Variants in GALNT5 observed in about 807,000 individuals in gnomAD.
GALNT5 encodes UDP-GalNAc:polypeptide N-acetylgalactosaminyltransferase 5.
A neutral mutation model predicts 85.4 loss-of-function variants in GALNT5; 72 were observed. The observed-to-expected ratio is 0.84, with a 90% CI of 0.70 to 1.03. GALNT5 has a LOEUF of 1.03. Ranked by LOEUF, GALNT5 falls within the 50% of genes least tolerant of loss-of-function variation. The pLI is 0.00. For synonymous variants in GALNT5, 404 were observed against 397.0 expected, an observed-to-expected ratio of 1.02 and a Z score of -0.21; for missense variants, 1,137 against 1,135.5, an observed-to-expected ratio of 1.00 and a Z score of -0.02.
intron 1 of GALNT5, among the ~76,000 whole-genome samples, chr2:157,278,947 G>A (rs540123594): frequency 2.0e-5 from 3 of 152,316 alleles, no homozygotes; most frequent in Admixed American, 6.5e-5. Context: ...CCCCATCTTT[G>A]TGGTTTTATC....
intron 3 of GALNT5, among the ~76,000 whole-genome samples, chr2:157,290,087 GTATATATA>G (rs55861093): frequency 4.6e-4 from 61 of 131,286 alleles, no homozygotes; most frequent in Non-Finnish European, 4.9e-4. Context: ...AAAAAAAAAT[GTATATATA>G]TATATATATA....
At position 157,311,426 on chromosome 2, in the gene GALNT5, A is replaced by C. The variant is rs1574038917; in HGVS notation, c.*78A>C. 1.0e-6 allele frequency: 1 copy of C among 954,486 alleles called. No homozygotes were observed. Among genetic ancestry groups the C allele is most frequent in the East Asian group, 2.8e-5 (1 of 36,012 alleles). The allele number at this position is 954,486 out of a possible 1,614,324, so 59.1% of individuals were successfully genotyped here. ...ACTGAACTTGGAAACTATATTTCTC[A>C]GCGGTAGTTTAAATTTTCAATTTTA... is the stretch of plus-strand genomic sequence containing the variant. On this transcript the variant is annotated 3_prime_UTR_variant, in exon 10 of 10. Coordinates refer to ENST00000259056, the MANE Select transcript of GALNT5 (RefSeq NM_014568.3).
intron 1 of GALNT5, among the ~76,000 whole-genome samples, chr2:157,270,542 C>T (rs548201978): frequency 2.5e-4 from 38 of 152,154 alleles, no homozygotes; most frequent in Non-Finnish European, 4.4e-4. Flanking sequence ...TATTTGTATA[C>T]GTTACCACCT....
intron 7 of GALNT5, among the ~76,000 whole-genome samples, chr2:157,304,497 T>C (rs984834061): frequency 1.3e-5 from 2 of 152,238 alleles, no homozygotes; most frequent in Non-Finnish European, 2.9e-5. Context: ...AAGCCTGGTG[T>C]AAAGTTTCAG....
Position 157,258,815 on chromosome 2 carries a change from G to A in GALNT5, c.733G>A (p.Ala245Thr). The A allele has an allele frequency of 6.3e-7, 1 of 1,597,458 alleles. No individual in the cohort carries two copies. Among genetic ancestry groups the A allele is most frequent in the Non-Finnish European group, 8.6e-7 (1 of 1,169,226 alleles). Residue 245 changes from alanine (A) to threonine (T), a missense_variant, in exon 1 of 10, where the codon GCA (alanine) becomes ACA (threonine). By Grantham distance (58) the Ala-to-Thr change is moderately conservative. Transcript: ENST00000259056. ...ANERAHPASTAVPKSGEAMAL... is the reference protein window; with the variant it reads ...ANERAHPASTTVPKSGEAMAL... Reference sequence around the variant, plus strand: ...CGAGAGGGCACACCCTGCCAGCACAGCAGTGCCGAAGTCTGGGGAAGCCAT... The same window carrying A: ...CGAGAGGGCACACCCTGCCAGCACAACAGTGCCGAAGTCTGGGGAAGCCAT...
chr2:157,260,832 C>G (rs1019311722), intron 1 of GALNT5, among the ~76,000 whole-genome samples: 1 of 152,204 alleles, frequency 6.6e-6, no homozygotes, highest in African/African-American at 2.4e-5. Context: ...AGCTATCAGC[C>G]ATGCACTGCT....
At chr2:157,283,525 T>C (rs966914649) in intron 1 of GALNT5, among the ~76,000 whole-genome samples, 5 of 152,198 alleles carry the variant, frequency 3.3e-5, no homozygotes, top group African/African-American at 9.6e-5. Flanking sequence ...GGCTATTCTG[T>C]AGCAGAGTAT....
intron 3 of GALNT5, 67 bp from the exon 4 acceptor site, chr2:157,295,596 G>A (rs1297410922): frequency 7.9e-7 from 1 of 1,272,476 alleles, no homozygotes; most frequent in Non-Finnish European, 1.1e-6. Flanking sequence ...CAATACCTTT[G>A]AACATGAAGT....
Position 157,269,353 on chromosome 2 carries a change from C to G in GALNT5, c.1454+9817C>G, listed in dbSNP as rs1196498326. The stretch of plus-strand genomic sequence containing the variant: ...CAGTCACCCCAAATCAAGGCACACC[C>G]TGAAACTTTGTATTGGAAATCTCAG... On this transcript the variant is annotated intron_variant, in intron 1 of 9. Coordinates refer to ENST00000259056, the MANE Select transcript of GALNT5 (RefSeq NM_014568.3). Among the ~76,000 whole-genome samples, 2 of 152,178 alleles carry G rather than the reference C, an allele frequency of 1.3e-5. 1 individual carries two copies. Among genetic ancestry groups the G allele is most frequent in the Non-Finnish European group, 2.9e-5 (2 of 68,028 alleles).
chr2:157,312,514 A>C lies in GALNT5; in HGVS notation c.*1166A>C, dbSNP rs1252475857. The C allele has an allele frequency of 6.6e-6, 1 of 152,096 alleles. No homozygotes were observed. The highest frequency in any genetic ancestry group is 1.9e-4 in the East Asian group (1 of 5,194). The allele number at this position is 152,096 out of a possible 1,614,324, so 9.4% of individuals were successfully genotyped here. A position where few individuals can be genotyped will look rare whatever the true frequency, so the allele number is the denominator to read the frequency against. On this transcript the variant is annotated 3_prime_UTR_variant, in exon 10 of 10. Transcript: ENST00000259056. ...AGCCCTCAGTGTGAACCCAGTGAGA[A>C]CACTGACAAATTTGGGAAAAGTTAA... is the stretch of plus-strand genomic sequence containing the variant.
rs184335231 is a variant in GALNT5 at position 157,310,051 on chromosome 2, T to C, written c.2683-1157T>C. On this transcript the variant is annotated intron_variant, in intron 9 of 9. Transcript: ENST00000259056. Reference sequence around the variant, plus strand: ...AGAGAATATGAATAAGAACGAGAACTAAAACACATTCTTCATCTCCAGAAT... The same window carrying C: ...AGAGAATATGAATAAGAACGAGAACCAAAACACATTCTTCATCTCCAGAAT... Among the ~76,000 whole-genome samples, 49 of 152,206 alleles carry C rather than the reference T, an allele frequency of 3.2e-4. 1 individual carries two copies. Among genetic ancestry groups the C allele is most frequent in the Admixed American group, 2.9e-3 (44 of 15,276 alleles).
At chr2:157,291,048 G>A (rs1574026922) in intron 3 of GALNT5, among the ~76,000 whole-genome samples, 1 of 152,118 alleles carries the variant, frequency 6.6e-6, no homozygotes, top group South Asian at 2.1e-4. Context: ...GTAGGCCGGG[G>A]CAATGGATCT....
Position 157,258,887 on chromosome 2 carries a change from A to G in GALNT5, c.805A>G (p.Lys269Glu). 4 of 1,570,148 alleles carry G rather than the reference A, an allele frequency of 2.5e-6. No homozygotes were observed. The highest frequency in any genetic ancestry group is 2.6e-6 in the Non-Finnish European group (3 of 1,161,838). The stretch of plus-strand genomic sequence containing the variant: ...TCAGAGCAAAGAAGTCAATGCAAAT[A>G]AACACAAAGCCAATACGAGTCTTCC... ...KTQSKEVNAN[K>E]HKANTSLPFP... The change falls in exon 1 of 10, where the codon AAA becomes GAA. Residue 269 changes from lysine (K) to glutamate (E), a missense_variant. Lys to Glu is a moderately conservative substitution (Grantham distance 56). Transcript: ENST00000259056.
At chr2:157,290,149 G>A (rs1683069815) in intron 3 of GALNT5, among the ~76,000 whole-genome samples, 1 of 143,406 alleles carries the variant, frequency 7.0e-6, no homozygotes, top group South Asian at 2.1e-4. Flanking sequence ...ATATGCATAT[G>A]TATCTACATG....
chr2:157,260,118 A>G (rs1682304336), intron 1 of GALNT5, among the ~76,000 whole-genome samples: 2 of 152,240 alleles, frequency 1.3e-5, no homozygotes, highest in Admixed American at 1.3e-4. Flanking sequence ...GATCAGTTAC[A>G]TAGGAATCAT....
intron 3 of GALNT5, among the ~76,000 whole-genome samples, chr2:157,291,643 A>G (rs867620766): frequency 1.0e-4 from 1 of 9,732 alleles, no homozygotes; most frequent in Non-Finnish European, 5.3e-4. Flanking sequence ...ACCCCCCCCC[A>G]GATTTTTAAG....
rs755306501 is a variant in GALNT5 at position 157,299,595 on chromosome 2, T to A, written c.2045T>A (p.Phe682Tyr). ...GGLFSIDKSY[F>Y]FELGTYDPGL... ...TTGTTTTCTATTGACAAAAGTTACTTTTTTGAACTTGGAACATACGACCCT... is the reference window on the plus strand; with the variant it reads ...TTGTTTTCTATTGACAAAAGTTACTATTTTGAACTTGGAACATACGACCCT... Residue 682 changes from phenylalanine (F) to tyrosine (Y), a missense_variant, in exon 6 of 10, where the codon TTT (phenylalanine) becomes TAT (tyrosine). Coordinates refer to ENST00000259056, the MANE Select transcript of GALNT5 (RefSeq NM_014568.3). The A allele has an allele frequency of 6.2e-7, 1 of 1,613,584 alleles. No individual in the cohort carries two copies. Among genetic ancestry groups the A allele is most frequent in the Non-Finnish European group, 8.5e-7 (1 of 1,179,552 alleles).
At chr2:157,296,340 T>C in intron 4 of GALNT5, 54 bp from the exon 5 acceptor site, 6 of 1,419,384 alleles carry the variant, frequency 4.2e-6, no homozygotes, top group Non-Finnish European at 6.0e-6. Context: ...CGATAAAGTA[T>C]ATAAAGATGT....
In GALNT5 at chr2:157,318,106, A is replaced by G. The variant is rs1016363230; in HGVS notation, c.*6758A>G. 4.6e-5 allele frequency among the ~76,000 whole-genome samples: 7 copies of G among 152,150 alleles called. No individual in the cohort carries two copies. Among genetic ancestry groups the G allele is most frequent in the Admixed American group, 3.9e-4 (6 of 15,270 alleles). On this transcript the variant is annotated 3_prime_UTR_variant, in exon 10 of 10. Transcript: ENST00000259056. ...GGTTGCCTTTCTCATACTGTCAAACATATTTCTTCTTTATTATACTCTGGT... is the reference window on the plus strand; with the variant it reads ...GGTTGCCTTTCTCATACTGTCAAACGTATTTCTTCTTTATTATACTCTGGT...
Sources: allele counts gnomAD v4.1 joint callset (sites outside exome capture counted in the v4.1 genomes callset), GRCh38; gene constraint gnomAD v4.1.1; transcripts MANE v1.5; gene names NCBI Gene and HGNC (gene_info 2026-07-23, HGNC 2026-07-21).